Variants in SMU1 observed in about 807,000 individuals in gnomAD.
The protein encoded by SMU1 is SMU1 DNA replication regulator and spliceosomal factor.
A neutral mutation model predicts 62.0 loss-of-function variants in SMU1; 2 were observed. The ratio of observed to expected loss-of-function variants is 0.03; its 90% CI spans 0.01 to 0.10. The LOEUF is 0.10. Among genes scored for constraint, SMU1 ranks in the 10% least tolerant of loss-of-function variants. The pLI is 1.00. For synonymous variants in SMU1, 188 were observed against 212.4 expected, an observed-to-expected ratio of 0.89 and a Z score of 1.00; for missense variants, 227 against 622.1, an observed-to-expected ratio of 0.36 and a Z score of 6.76.
intron 5 of SMU1, among the ~76,000 whole-genome samples, chr9:33,061,088 G>C (rs569018468): frequency 6.6e-6 from 1 of 152,222 alleles, no homozygotes; most frequent in Non-Finnish European, 1.5e-5. Context: ...ATGTGTAGCT[G>C]ACCAAACTTA....
intron 3 of SMU1, among the ~76,000 whole-genome samples, chr9:33,070,990 A>G (rs1362567353): frequency 6.6e-6 from 1 of 152,208 alleles, no homozygotes. Context: ...GCCAATAATA[A>G]TTATACATTT....
intron 4 of SMU1, among the ~76,000 whole-genome samples, chr9:33,065,030 A>G (rs1839404883): frequency 6.6e-6 from 1 of 152,190 alleles, no homozygotes; most frequent in Non-Finnish European, 1.5e-5. Context: ...GATGTGAACC[A>G]CCACACCCGG....
intron 1 of SMU1, 61 bp from the exon 2 acceptor site, chr9:33,073,867 C>A: frequency 2.1e-6 from 3 of 1,450,930 alleles, no homozygotes; most frequent in South Asian, 2.4e-5. Context: ...AAAAATAAAG[C>A]CTATCAAGCT....
At chr9:33,075,240 G>C (rs962453244) in intron 1 of SMU1, among the ~76,000 whole-genome samples, 1 of 152,194 alleles carries the variant, frequency 6.6e-6, no homozygotes, top group African/African-American at 2.4e-5. Flanking sequence ...AGCCGGGCAT[G>C]GTGGTGGGCG....
At chr9:33,056,796 T>C (rs1839308939) in intron 8 of SMU1, 41 bp downstream of exon 8, 1 of 1,602,640 alleles carries the variant, frequency 6.2e-7, no homozygotes, top group Non-Finnish European at 8.5e-7. Flanking sequence ...GGCCTCATTA[T>C]ATCAAACTCA....
intron 4 of SMU1, among the ~76,000 whole-genome samples, chr9:33,064,847 A>T (rs1839402507): frequency 6.6e-6 from 1 of 151,250 alleles, no homozygotes; most frequent in Admixed American, 6.6e-5. Flanking sequence ...GGTTCAAGTG[A>T]TTCTTCTGCC....
chr9:33,053,211 T>C lies in SMU1; in HGVS notation c.1202A>G (p.Asn401Ser), dbSNP rs145996733. The C allele has an allele frequency of 6.2e-7, 1 of 1,612,500 alleles. No homozygotes were observed. The highest frequency in any genetic ancestry group is 1.1e-5 in the South Asian group (1 of 91,006). ...GTTTTTAGGAAGTAGAATCACACTG[T>C]TGACGGTAATATCTGTCCCTGCGGT... ...GSTAGTDITV[N>S]SVILLPKNPE... Residue 401 changes from asparagine to serine, a missense_variant, in exon 10 of 12, where the codon AAC becomes AGC. Physicochemically the swap from Asn to Ser is conservative, Grantham distance 46. This residue lies in a region of SMU1 where 98 missense variants were observed against 195.9 expected (regional missense o/e 0.50). Transcript: ENST00000397149.
rs1839168805 is a variant in SMU1, at chr9:33,044,947, C to T, written c.*2346G>A. ...TCCCAACCCTTTCGCGTTAACTGCCCGCCTCATCATCACAAAGGTAACTTG... is the reference window on the plus strand; with the variant it reads ...TCCCAACCCTTTCGCGTTAACTGCCTGCCTCATCATCACAAAGGTAACTTG... On this transcript the variant is annotated 3_prime_UTR_variant, in exon 12 of 12. Transcript: ENST00000397149. 1 of 152,106 alleles carries T rather than the reference C, an allele frequency of 6.6e-6. No homozygotes were observed. Among genetic ancestry groups the T allele is most frequent in the African/African-American group, 2.4e-5 (1 of 41,408 alleles). The allele number at this position is 152,106 out of a possible 1,614,324, so 9.4% of individuals were successfully genotyped here.
chr9:33,047,471 AGGG>A, intron 11 of SMU1, 80 bp from the exon 12 acceptor site: 2 of 1,131,042 alleles, frequency 1.8e-6, no homozygotes, highest in Admixed American at 2.4e-5. Flanking sequence ...GGTGGGTGGA[AGGG>A]AAAAAGAGAT....
intron 4 of SMU1, among the ~76,000 whole-genome samples, chr9:33,064,696 C>A (rs569236217): frequency 6.6e-6 from 1 of 151,708 alleles, no homozygotes; most frequent in South Asian, 2.1e-4. Flanking sequence ...CTAGTATGCT[C>A]TCAACATTCT....
rs1839165800 is a variant in SMU1 at position 33,044,773 on chromosome 9, A to T, written c.*2520T>A. Reference sequence around the variant, plus strand: ...TTATTTAAAAAGAAGAAAAATATATACTTAACGGCTCCTAATCCAGCTCTC... The same window carrying T: ...TTATTTAAAAAGAAGAAAAATATATTCTTAACGGCTCCTAATCCAGCTCTC... On this transcript the variant is annotated 3_prime_UTR_variant, in exon 12 of 12. Coordinates refer to ENST00000397149, the MANE Select transcript of SMU1 (RefSeq NM_018225.3). The T allele has an allele frequency of 6.6e-6, 1 of 152,212 alleles. No homozygotes were observed. Among genetic ancestry groups the T allele is most frequent in the African/African-American group, 2.4e-5 (1 of 41,452 alleles). The allele number at this position is 152,212 out of a possible 1,614,324, so 9.4% of individuals were successfully genotyped here. A position where few individuals can be genotyped will look rare whatever the true frequency, so the allele number is the denominator to read the frequency against.
intron 3 of SMU1, among the ~76,000 whole-genome samples, chr9:33,071,212 G>T (rs1377698305): frequency 3.3e-5 from 5 of 151,806 alleles, no homozygotes; most frequent in Non-Finnish European, 7.4e-5. Context: ...GGCTGGGGGG[G>T]TGGGCAGGAA....
At chr9:33,061,796 G>T in intron 5 of SMU1, among the ~76,000 whole-genome samples, 1 of 152,224 alleles carries the variant, frequency 6.6e-6, no homozygotes, top group East Asian at 1.9e-4. Context: ...GGCTTCTTGG[G>T]AAGAAGTGCA....
chr9:33,063,945 T>C (rs192912416), intron 4 of SMU1, among the ~76,000 whole-genome samples: 16 of 152,270 alleles, frequency 1.1e-4, no homozygotes, highest in Admixed American at 9.8e-4. Context: ...GAGTTGAACT[T>C]TTCTCTGTAT....
intron 10 of SMU1, among the ~76,000 whole-genome samples, chr9:33,052,066 A>G (rs1342370314): frequency 6.6e-6 from 1 of 152,110 alleles, no homozygotes; most frequent in Non-Finnish European, 1.5e-5. Context: ...TGGTGGTTAC[A>G]TGACTCTATA....
chr9:33,075,037 T>A (rs147701026), intron 1 of SMU1, among the ~76,000 whole-genome samples: 1 of 152,136 alleles, frequency 6.6e-6, no homozygotes, highest in Non-Finnish European at 1.5e-5. Flanking sequence ...CTTCCCAAAG[T>A]GTTGAGATGA....
intron 8 of SMU1, among the ~76,000 whole-genome samples, chr9:33,056,461 A>G (rs1179609067): frequency 6.6e-6 from 1 of 152,184 alleles, no homozygotes; most frequent in Non-Finnish European, 1.5e-5. Flanking sequence ...GTAATACCAC[A>G]AGCTTCTGTT....
At chr9:33,056,002 C>T in intron 9 of SMU1, 111 bp downstream of exon 9, 1 of 1,088,346 alleles carries the variant, frequency 9.2e-7, no homozygotes, top group Non-Finnish European at 1.3e-6. Context: ...CTAAAATAGC[C>T]AGGAAAGAGG....
intron 2 of SMU1, 47 bp from the exon 3 acceptor site, chr9:33,071,939 A>G (rs372336034): frequency 6.8e-7 from 1 of 1,477,952 alleles, no homozygotes; most frequent in South Asian, 1.4e-5. Flanking sequence ...GTTTCAACAC[A>G]CCGTCTTATT....
Sources: gnomAD v4.1 joint callset for allele counts (sites outside exome capture counted in the v4.1 genomes callset) on GRCh38, gnomAD v4.1.1 for gene constraint, gnomAD v4.1.1 regional missense constraint, MANE v1.5 for transcripts, NCBI Gene and HGNC (gene_info 2026-07-23, HGNC 2026-07-21) for gene names.